SGCD: variants seen among roughly 807,000 people sequenced by gnomAD.
SGCD encodes the protein sarcoglycan delta.
In SGCD, 18 loss-of-function variants were observed where a neutral mutation model predicts 36.6. The observed-to-expected ratio is 0.49, with a 90% CI of 0.34 to 0.73. SGCD has a LOEUF of 0.73. Ranked by LOEUF, SGCD falls within the 30% of genes least tolerant of loss-of-function variation. The pLI is 0.01. For missense variants in SGCD, 387 were observed against 346.7 expected, an observed-to-expected ratio of 1.12 and a Z score of -0.92; for synonymous variants, 133 against 130.6, an observed-to-expected ratio of 1.02 and a Z score of -0.12.
chr5:156,601,157 A>G (rs1416872930), intron 6 of SGCD, among the ~76,000 whole-genome samples: 2 of 152,140 alleles, frequency 1.3e-5, no homozygotes, highest in African/African-American at 4.8e-5. Flanking sequence ...ATGTAATCCC[A>G]TATTTTTAAC....
At chr5:156,290,032 G>T (rs1311335529) in intron 3 of SGCD, among the ~76,000 whole-genome samples, 1 of 152,114 alleles carries the variant, frequency 6.6e-6, no homozygotes, top group Non-Finnish European at 1.5e-5. Flanking sequence ...TTGAATACTG[G>T]AAAGATTTTT....
At position 156,186,094 on chromosome 5, in the gene SGCD, A is replaced by G. The variant is rs370134863; in HGVS notation, c.-44+62075A>G. Among the ~76,000 whole-genome samples, 28 of 151,324 alleles carry G rather than the reference A, an allele frequency of 1.9e-4. 1 individual carries two copies. The East Asian group carries it at 5.1e-3, about 27-fold the overall frequency. ...AGACTTTCCTGGCAAAAAAAAAAAT[A>G]CCTATTTCCAACTTTGTGAGATTTC... is the stretch of plus-strand genomic sequence containing the variant. On this transcript the variant is annotated intron_variant, in intron 3 of 9. Coordinates refer to the SGCD transcript ENST00000517913.
rs550795018 is a variant in SGCD at position 156,158,083 on chromosome 5, G to A, written c.-44+34064G>A. The stretch of plus-strand genomic sequence containing the variant: ...GCTTTTTTTTTTTGCACCATGATAA[G>A]GTTTAGCCCTTAGGTTCCCACTGGT... On this transcript the variant is annotated intron_variant, in intron 3 of 9. Coordinates refer to the SGCD transcript ENST00000517913. 1.1e-3 allele frequency among the ~76,000 whole-genome samples: 160 copies of A among 150,962 alleles called. 5 individuals are homozygous for A. Among genetic ancestry groups the A allele is most frequent in the African/African-American group, 3.7e-3 (152 of 40,690 alleles).
At chr5:156,436,982 C>A (rs1753272989) in intron 3 of SGCD, among the ~76,000 whole-genome samples, 1 of 152,082 alleles carries the variant, frequency 6.6e-6, no homozygotes, top group East Asian at 1.9e-4. Context: ...ACAGAAAAGT[C>A]CTGGCTGTCA....
intron 3 of SGCD, among the ~76,000 whole-genome samples, chr5:156,317,942 T>G (rs1767561762): frequency 6.6e-6 from 1 of 152,212 alleles, no homozygotes; most frequent in Non-Finnish European, 1.5e-5. Flanking sequence ...CTGTAAACCC[T>G]TGCCAATTCA....
intron 3 of SGCD, among the ~76,000 whole-genome samples, chr5:156,277,700 T>A (rs1192100574): frequency 6.6e-6 from 1 of 152,218 alleles, no homozygotes; most frequent in Non-Finnish European, 1.5e-5. Context: ...TTCTTTGGAA[T>A]AATTAGGTTG....
chr5:156,039,009 C>T (rs754586099), intron 1 of SGCD, among the ~76,000 whole-genome samples: 2 of 152,092 alleles, frequency 1.3e-5, no homozygotes, highest in Non-Finnish European at 2.9e-5. Flanking sequence ...CTCATCTTCC[C>T]CCTAGAAACA....
intron 3 of SGCD, among the ~76,000 whole-genome samples, chr5:156,139,019 T>A (rs1048511726): frequency 2.0e-5 from 3 of 152,234 alleles, no homozygotes; most frequent in African/African-American, 7.2e-5. Context: ...CAATTTTTAT[T>A]GGATTGTTTA....
At chr5:155,917,687 C>G (rs1236184477) in intron 1 of SGCD, among the ~76,000 whole-genome samples, 1 of 152,166 alleles carries the variant, frequency 6.6e-6, no homozygotes, top group Non-Finnish European at 1.5e-5. Flanking sequence ...GACACCTTAT[C>G]AGGAGACAGC....
At chr5:155,754,849 G>A in the SGCD span, among the ~76,000 whole-genome samples, 8 of 152,086 alleles carry the variant, frequency 5.3e-5, no homozygotes, top group Admixed American at 2.6e-4. Context: ...TTACACATTC[G>A]TAATTATTTC....
chr5:156,298,575 T>C (rs1387365797), intron 3 of SGCD, among the ~76,000 whole-genome samples: 14 of 145,098 alleles, frequency 9.6e-5, no homozygotes, highest in African/African-American at 1.1e-4. Context: ...TTTTTTCTTT[T>C]CTTTTTTTTT....
chr5:155,975,274 G>C (rs968428679), intron 1 of SGCD, among the ~76,000 whole-genome samples: 1 of 152,112 alleles, frequency 6.6e-6, no homozygotes, highest in African/African-American at 2.4e-5. Context: ...TGACAATTAG[G>C]GTGATTAAAT....
At chr5:155,948,834 C>A (rs533656888) in intron 1 of SGCD, among the ~76,000 whole-genome samples, 1 of 152,134 alleles carries the variant, frequency 6.6e-6, no homozygotes, top group Non-Finnish European at 1.5e-5. Flanking sequence ...TCCCTATCAT[C>A]TGTGTGATGG....
At chr5:156,012,608 G>C (rs1206475664) in intron 1 of SGCD, among the ~76,000 whole-genome samples, 4 of 130,936 alleles carry the variant, frequency 3.1e-5, no homozygotes, top group African/African-American at 1.2e-4. Flanking sequence ...TATATGCACA[G>C]AGATAATTTT....
chr5:156,381,706 G>A (rs1561658531), intron 3 of SGCD, among the ~76,000 whole-genome samples: 2 of 152,120 alleles, frequency 1.3e-5, no homozygotes, highest in Admixed American at 6.5e-5. Context: ...GCATTTTAAA[G>A]CTGAAAGTGA....
chr5:156,174,662 G>A (rs780998435), intron 3 of SGCD, among the ~76,000 whole-genome samples: 20 of 152,188 alleles, frequency 1.3e-4, no homozygotes, highest in Non-Finnish European at 2.2e-4. Flanking sequence ...ACAATATAGG[G>A]TTATGGTACA....
At chr5:155,773,225 C>G in the SGCD span, among the ~76,000 whole-genome samples, 2 of 152,154 alleles carry the variant, frequency 1.3e-5, no homozygotes, top group African/African-American at 2.4e-5. Context: ...AAGCAGGAAG[C>G]CTGTACTCCT....
chr5:156,481,664 G>T (rs574866916), intron 3 of SGCD, among the ~76,000 whole-genome samples: 60 of 152,214 alleles, frequency 3.9e-4, no homozygotes, highest in Non-Finnish European at 6.6e-4. Context: ...GCCCCCACAG[G>T]ATTTTAGGGA....
At chr5:156,520,745 C>T (rs574673694) in intron 4 of SGCD, among the ~76,000 whole-genome samples, 182 of 152,044 alleles carry the variant, frequency 1.2e-3, no homozygotes, top group African/African-American at 3.9e-3. Context: ...CAGCCAGGCG[C>T]GGTGGCTCAT....
Sources: gnomAD v4.1 joint callset for allele counts (sites outside exome capture counted in the v4.1 genomes callset) on GRCh38, gnomAD v4.1.1 for gene constraint, MANE v1.5 for transcripts, NCBI Gene and HGNC (gene_info 2026-07-23, HGNC 2026-07-21) for gene names.